NUBPL: variants seen among roughly 807,000 people sequenced by gnomAD.
NUBPL encodes NUBP iron-sulfur cluster assembly factor, mitochondrial.
NUBPL carries 31 observed loss-of-function variants against 45.7 expected under a neutral mutation model. The observed-to-expected ratio is 0.68, with a 90% CI of 0.51 to 0.92. The LOEUF (loss-of-function observed/expected upper bound fraction) is 0.92. Ranked by LOEUF, NUBPL falls within the 40% of genes least tolerant of loss-of-function variation. NUBPL has a pLI of 0.00. For missense variants in NUBPL, 401 were observed against 398.7 expected, an observed-to-expected ratio of 1.01 and a Z score of -0.05; for synonymous variants, 144 against 140.9, an observed-to-expected ratio of 1.02 and a Z score of -0.15.
chr14:31,744,617 C>CTTTT (rs34367142), intron 6 of NUBPL, among the ~76,000 whole-genome samples: 13 of 103,902 alleles, frequency 1.3e-4, no homozygotes, highest in East Asian at 2.8e-4. Context: ...TTTGTAGAAT[C>CTTTT]TTTTTTTTTT....
At chr14:31,711,485 C>T (rs1381298328) in intron 6 of NUBPL, among the ~76,000 whole-genome samples, 1 of 151,962 alleles carries the variant, frequency 6.6e-6, no homozygotes, top group Non-Finnish European at 1.5e-5. Flanking sequence ...TACTGCTTGG[C>T]AATAGGCGAT....
At chr14:31,602,049 C>T (rs2139566661) in intron 4 of NUBPL, among the ~76,000 whole-genome samples, 1 of 152,244 alleles carries the variant, frequency 6.6e-6, no homozygotes, top group East Asian at 1.9e-4. Flanking sequence ...CCATGGAATA[C>T]TATGCAGCCA....
chr14:31,639,927 A>G (rs2139693770), intron 4 of NUBPL, among the ~76,000 whole-genome samples: 1 of 152,270 alleles, frequency 6.6e-6, no homozygotes, highest in South Asian at 2.1e-4. Flanking sequence ...CCGTTTTTTA[A>G]GCCCGTTGGA....
In NUBPL at chr14:31,846,786, C is replaced by G. The variant is rs141016067; in HGVS notation, c.814+195C>G. On this transcript the variant is annotated intron_variant, in intron 9 of 10. Transcript: ENST00000281081. ...CCTGGCTAACATGGTGAGACCCTGT[C>G]TCTACTAAAAATACAAAAAATTATC... is the stretch of plus-strand genomic sequence containing the variant. Among the ~76,000 whole-genome samples, 9 of 152,158 alleles carry G rather than the reference C, an allele frequency of 5.9e-5. No homozygotes were observed. In the South Asian group the frequency reaches 1.7e-3, roughly 28 times the overall value.
intron 6 of NUBPL, among the ~76,000 whole-genome samples, chr14:31,712,678 T>C (rs2037603767): frequency 6.6e-6 from 1 of 152,222 alleles, no homozygotes; most frequent in African/African-American, 2.4e-5. Flanking sequence ...GGTAGCATGT[T>C]GTCACCTCTC....
rs573359543 is a variant in NUBPL at position 31,706,307 on chromosome 14, G to A, written c.513+32733G>A. On this transcript the variant is annotated intron_variant, in intron 6 of 10. Coordinates refer to ENST00000281081, the MANE Select transcript of NUBPL (RefSeq NM_025152.3). ...AGGCCAGTGGAAGGGCCAGCGGATCGGTCCAGGGGTCCTCGGTAGAAGTTG... is the reference window on the plus strand; with the variant it reads ...AGGCCAGTGGAAGGGCCAGCGGATCAGTCCAGGGGTCCTCGGTAGAAGTTG... Among the ~76,000 whole-genome samples the A allele has an allele frequency of 2.2e-4, 33 of 152,284 alleles. 1 individual carries two copies. The South Asian group carries it at 4.6e-3, about 21-fold the overall frequency.
intron 6 of NUBPL, among the ~76,000 whole-genome samples, chr14:31,712,555 C>T (rs2037599706): frequency 2.0e-5 from 3 of 152,234 alleles, no homozygotes; most frequent in African/African-American, 7.2e-5. Context: ...CAGCTCCGGC[C>T]TCGGCCAGCC....
chr14:31,766,889 T>G (rs538216977), intron 6 of NUBPL, among the ~76,000 whole-genome samples: 1 of 152,234 alleles, frequency 6.6e-6, no homozygotes, highest in Admixed American at 6.5e-5. Context: ...CCTCCCAGAT[T>G]ATTTTATGTG....
chr14:31,592,662 C>G (rs2034172748), intron 3 of NUBPL, among the ~76,000 whole-genome samples: 1 of 151,886 alleles, frequency 6.6e-6, no homozygotes, highest in Non-Finnish European at 1.5e-5. Flanking sequence ...TTGTTGATTA[C>G]TGTAGATTAT....
At chr14:31,570,126 A>G (rs776865244) in intron 3 of NUBPL, among the ~76,000 whole-genome samples, 3 of 152,210 alleles carry the variant, frequency 2.0e-5, no homozygotes, top group Non-Finnish European at 4.4e-5. Context: ...AGAAGAATAA[A>G]CATATACTGT....
intron 4 of NUBPL, among the ~76,000 whole-genome samples, chr14:31,602,392 T>TA (rs372504814): frequency 6.8e-6 from 1 of 146,524 alleles, no homozygotes; most frequent in Non-Finnish European, 1.5e-5. Flanking sequence ...AGTATAATAA[T>TA]AGAAAAAAAA....
chr14:31,561,696 A>G, intron 1 of NUBPL, 149 bp downstream of exon 1: 1 of 576,994 alleles, frequency 1.7e-6, no homozygotes, highest in South Asian at 2.8e-5. Flanking sequence ...AGGCAGGCCC[A>G]GGCTGAGGCG....
chr14:31,803,726 T>C lies in NUBPL; in HGVS notation c.607+15853T>C, dbSNP rs142447337. On this transcript the variant is annotated intron_variant, in intron 7 of 10. Coordinates refer to ENST00000281081, the MANE Select transcript of NUBPL (RefSeq NM_025152.3). ...TTGTATTCATCAAGTTAAAAAATTC[T>C]TTCTGAAATAAATTGGTTTTGTTGT... 1.2e-3 allele frequency among the ~76,000 whole-genome samples: 188 copies of C among 152,350 alleles called. 3 individuals carry two copies. In the East Asian group the frequency reaches 0.034, roughly 27 times the overall value.
intron 8 of NUBPL, chr14:31,846,179 A>T (rs2040448950): frequency 2.7e-6 from 1 of 368,684 alleles, no homozygotes; most frequent in South Asian, 2.3e-5. Context: ...CAACCTGAAG[A>T]AACAACTGTC....
intron 9 of NUBPL, 181 bp from the exon 10 acceptor site, chr14:31,849,938 T>TA (rs2040511765): frequency 3.2e-6 from 2 of 631,918 alleles, no homozygotes; most frequent in East Asian, 5.5e-5. Flanking sequence ...TACTCTAAAA[T>TA]AGAGTATCTT....
intron 4 of NUBPL, among the ~76,000 whole-genome samples, chr14:31,600,694 T>G (rs1818942174): frequency 6.6e-6 from 1 of 151,948 alleles, no homozygotes. Flanking sequence ...TTTCTCCCAT[T>G]TTGTAGGTTG....
chr14:31,806,547 A>G (rs2039690057), intron 7 of NUBPL, among the ~76,000 whole-genome samples: 1 of 152,154 alleles, frequency 6.6e-6, no homozygotes, highest in Non-Finnish European at 1.5e-5. Context: ...GTATAAAGAT[A>G]GATTCAAGAC....
chr14:31,713,831 G>A (rs970767317), intron 6 of NUBPL, among the ~76,000 whole-genome samples: 2 of 152,090 alleles, frequency 1.3e-5, no homozygotes, highest in African/African-American at 4.8e-5. Flanking sequence ...GTTTCACAAA[G>A]AAAATTAAAT....
intron 2 of NUBPL, among the ~76,000 whole-genome samples, chr14:31,564,461 G>GGGA (rs1402483311): frequency 1.3e-5 from 2 of 150,356 alleles, no homozygotes; most frequent in African/African-American, 2.4e-5. Context: ...AGGCTGAGGT[G>GGGA]GGAGGATTGC....
Sources: allele counts gnomAD v4.1 joint callset (sites outside exome capture counted in the v4.1 genomes callset), GRCh38; gene constraint gnomAD v4.1.1; transcripts MANE v1.5; gene names NCBI Gene and HGNC (gene_info 2026-07-23, HGNC 2026-07-21).